The following CLVS1 variants were observed in gnomAD, a reference collection of about 807,000 sequenced individuals.
CLVS1 encodes the protein clavesin-1.
CLVS1 carries 10 observed loss-of-function variants against 33.1 expected under a neutral mutation model. The ratio of observed to expected loss-of-function variants is 0.30; its 90% CI spans 0.19 to 0.51. The LOEUF (loss-of-function observed/expected upper bound fraction) is 0.51, where lower values mean the gene tolerates loss of function less well. CLVS1 is among the 20% of genes least tolerant of loss of function. CLVS1 has a pLI of 0.97. For synonymous variants in CLVS1, 163 were observed against 166.1 expected, an observed-to-expected ratio of 0.98 and a Z score of 0.14; for missense variants, 343 against 433.4, an observed-to-expected ratio of 0.79 and a Z score of 1.85.
intron 2 of CLVS1, among the ~76,000 whole-genome samples, chr8:61,156,621 A>G (rs1806655435): frequency 6.6e-6 from 1 of 152,206 alleles, no homozygotes; most frequent in South Asian, 2.1e-4. Context: ...ATATATATTT[A>G]AAAGATTACT....
intron 2 of CLVS1, among the ~76,000 whole-genome samples, chr8:61,155,443 TTCAA>T (rs1806630374): frequency 6.6e-6 from 1 of 152,252 alleles, no homozygotes; most frequent in Non-Finnish European, 1.5e-5. Flanking sequence ...GAATCTGTGC[TTCAA>T]TCACTGAAAT....
chr8:61,422,999 G>A lies in CLVS1; in HGVS notation c.631-31142G>A, dbSNP rs73685003. Among the ~76,000 whole-genome samples, 1,160 of 152,242 alleles carry A rather than the reference G, an allele frequency of 7.6e-3. 18 individuals are homozygous for A. The highest frequency in any genetic ancestry group is 0.027 in the African/African-American group (1,113 of 41,538). Reference sequence around the variant, plus strand: ...CTGAGTGACCAGGAGGGAGTCTTTTGGAAGATGAATGGACTGCTATTAGAC... The same window carrying A: ...CTGAGTGACCAGGAGGGAGTCTTTTAGAAGATGAATGGACTGCTATTAGAC... On this transcript the variant is annotated intron_variant, in intron 3 of 5. Transcript: ENST00000325897.
chr8:61,134,894 G>A (rs1806163218), intron 2 of CLVS1, among the ~76,000 whole-genome samples: 1 of 152,020 alleles, frequency 6.6e-6, no homozygotes, highest in Admixed American at 6.6e-5. Flanking sequence ...TTTGCTGGGG[G>A]GGTGGGTAGT....
rs1210871818 is a variant in CLVS1, at chr8:61,062,447, T to G, written c.-243+5217T>G. ...AACTACGTCAGTATAGAAAACTTAC[T>G]CCAGAGTTTCTCTACAGTCAGTAGG... On this transcript the variant is annotated intron_variant, in intron 1 of 2. Transcript: ENST00000522621. Among the ~76,000 whole-genome samples, 5 of 152,222 alleles carry G rather than the reference T, an allele frequency of 3.3e-5. 1 individual carries two copies.
At chr8:61,432,240 C>T (rs186580054) in intron 3 of CLVS1, among the ~76,000 whole-genome samples, 39 of 152,296 alleles carry the variant, frequency 2.6e-4, no homozygotes, top group Admixed American at 2.4e-3. Context: ...CTAGACCTCA[C>T]CTATTATCAA....
chr8:61,234,988 C>T (rs769676590), intron 2 of CLVS1, among the ~76,000 whole-genome samples: 43 of 152,152 alleles, frequency 2.8e-4, no homozygotes, highest in Non-Finnish European at 1.2e-4. Context: ...TGATCATTGT[C>T]ATCCCAAACA....
At chr8:61,272,614 A>G (rs1337170000) in intron 2 of CLVS1, among the ~76,000 whole-genome samples, 2 of 152,104 alleles carry the variant, frequency 1.3e-5, no homozygotes, top group Non-Finnish European at 2.9e-5. Flanking sequence ...CATTCTCCCC[A>G]TCACTTTCAG....
chr8:61,361,154 C>T (rs190428735), intron 2 of CLVS1, among the ~76,000 whole-genome samples: 25 of 152,304 alleles, frequency 1.6e-4, no homozygotes, highest in African/African-American at 6.0e-4. Context: ...AAGGTGCTAA[C>T]CCATTAATGA....
chr8:61,364,821 C>T (rs985429561), intron 2 of CLVS1, among the ~76,000 whole-genome samples: 1 of 152,168 alleles, frequency 6.6e-6, no homozygotes, highest in African/African-American at 2.4e-5. Flanking sequence ...TTGGAGTTTT[C>T]ATTGGAGTAG....
chr8:61,198,568 TG>T (rs1264136834), intron 2 of CLVS1, among the ~76,000 whole-genome samples: 3 of 152,128 alleles, frequency 2.0e-5, no homozygotes, highest in Non-Finnish European at 4.4e-5. Flanking sequence ...TTAGTAGAGA[TG>T]GTGTTTCACC....
chr8:61,193,267 C>T (rs1176251460), intron 2 of CLVS1, among the ~76,000 whole-genome samples: 4 of 152,000 alleles, frequency 2.6e-5, no homozygotes, highest in South Asian at 2.1e-4. Flanking sequence ...AACTGTCACA[C>T]GGACAAAAAT....
intron 2 of CLVS1, among the ~76,000 whole-genome samples, chr8:61,353,682 A>G (rs1006627677): frequency 6.6e-6 from 1 of 151,678 alleles, no homozygotes; most frequent in Admixed American, 6.6e-5. Context: ...TCAAGAAACT[A>G]AGGAAGAATG....
chr8:61,238,147 C>T (rs1394605669), intron 2 of CLVS1, among the ~76,000 whole-genome samples: 3 of 152,150 alleles, frequency 2.0e-5, no homozygotes, highest in African/African-American at 7.2e-5. Context: ...AATAAAGAAG[C>T]TATGAGATCA....
In CLVS1 at chr8:61,080,440, A is replaced by G. The variant is rs186007403; in HGVS notation, c.-243+23210A>G. On this transcript the variant is annotated intron_variant, in intron 1 of 2. Transcript: ENST00000522621. ...TGGTAAACACATAGATACTGACAGA[A>G]TCCCCCTTTAACAATAAAGGGCGAT... 1.4e-4 allele frequency among the ~76,000 whole-genome samples: 21 copies of G among 152,354 alleles called. 1 individual carries two copies. The East Asian group carries it at 4.0e-3, about 29-fold the overall frequency.
intron 2 of CLVS1, among the ~76,000 whole-genome samples, chr8:61,356,389 C>A (rs1812709028): frequency 6.6e-6 from 1 of 151,992 alleles, no homozygotes; most frequent in African/African-American, 2.4e-5. Context: ...ATGGTAGTTT[C>A]TTTTGCTATG....
chr8:61,188,311 C>T (rs552939977), intron 2 of CLVS1, among the ~76,000 whole-genome samples: 8 of 152,174 alleles, frequency 5.3e-5, no homozygotes, highest in Admixed American at 3.9e-4. Context: ...CAGACAAGTG[C>T]TCTTTGGAGA....
intron 2 of CLVS1, among the ~76,000 whole-genome samples, chr8:61,253,764 A>G (rs1809003697): frequency 6.6e-6 from 1 of 152,182 alleles, no homozygotes; most frequent in South Asian, 2.1e-4. Flanking sequence ...CATGGTTTTC[A>G]GCTCCATCAG....
At chr8:60,973,987 G>T in the CLVS1 span, among the ~76,000 whole-genome samples, 1 of 152,160 alleles carries the variant, frequency 6.6e-6, no homozygotes, top group Non-Finnish European at 1.5e-5. Flanking sequence ...TTTTCCTTTG[G>T]AAGGAGATCT....
At chr8:61,207,111 T>C (rs550348981) in intron 2 of CLVS1, among the ~76,000 whole-genome samples, 5 of 152,338 alleles carry the variant, frequency 3.3e-5, no homozygotes, top group Admixed American at 3.3e-4. Context: ...ACAAAATGCC[T>C]TAGCATCGCA....
Sources: gnomAD v4.1 joint callset for allele counts (sites outside exome capture counted in the v4.1 genomes callset) on GRCh38, gnomAD v4.1.1 for gene constraint, MANE v1.5 for transcripts, NCBI Gene and HGNC (gene_info 2026-07-23, HGNC 2026-07-21) for gene names.